CASP6: variants seen among roughly 807,000 people sequenced by gnomAD.
CASP6 encodes the protein caspase-6.
In CASP6, 20 loss-of-function variants were observed where a neutral mutation model predicts 31.8. The observed-to-expected ratio is 0.63, with a 90% CI of 0.44 to 0.91. CASP6 has a LOEUF of 0.91. Among genes scored for constraint, CASP6 ranks in the 40% least tolerant of loss-of-function variants. CASP6 has a pLI of 0.00. For missense variants in CASP6, 328 were observed against 361.1 expected (o/e 0.91, Z 0.74); for synonymous variants, 130 against 127.8 (o/e 1.02, Z -0.12).
In CASP6 at chr4:109,697,765, TTC is replaced by T. The variant is rs751651515; in HGVS notation, c.85_86del (p.Glu29AsnfsTer3). On this transcript the variant is annotated frameshift_variant and splice_region_variant, in exon 3 of 7. Transcript: ENST00000265164. LOFTEE classifies it high-confidence loss of function. ...MTETDAFYKR[E>X]MFDPAEKYKM... The stretch of plus-strand genomic sequence containing the variant: ...TGTACTTTTCTGCCGGATCAAACAT[TTC>T]TCTGTTAATGAAAAGTTGAAAAACA... The T allele has an allele frequency of 5.1e-5, 83 of 1,612,388 alleles. No homozygotes were observed. The highest frequency in any genetic ancestry group is 1.7e-4 in the Middle Eastern group (1 of 6,052).
At chr4:109,706,028 A>G (rs1316493857), upstream of CASP6, among the ~76,000 whole-genome samples, 3 of 108,428 alleles carry the variant, frequency 2.8e-5, no homozygotes, top group Non-Finnish European at 5.3e-5. Flanking sequence ...ATATATATAT[A>G]TATAATATAT....
At position 109,694,687 on chromosome 4, in the gene CASP6, G is replaced by A. The variant is rs1484251398; in HGVS notation, c.321C>T (p.Ser107=). ...ACACAAAGCAATCGGCATCTGCGTG[G>A]CTAACAGTTGACACTATAAAGGACC... is the stretch of plus-strand genomic sequence containing the variant. ...LLKIHEVSTV[S]HADADCFVCV... The change falls in exon 5 of 7, where the codon AGC becomes AGT. Residue 107 remains serine (S), a synonymous_variant. Transcript: ENST00000265164. 6.3e-7 allele frequency: 1 copy of A among 1,593,212 alleles called. No homozygotes were observed. The highest frequency in any genetic ancestry group is 1.4e-5 in the African/African-American group (1 of 74,042).
chr4:109,689,237 T>C lies in CASP6; in HGVS notation c.*93A>G. 1 of 1,196,702 alleles carries C rather than the reference T, an allele frequency of 8.4e-7. No individual in the cohort carries two copies. The highest frequency in any genetic ancestry group is 1.2e-6 in the Non-Finnish European group (1 of 822,312). 74.1% of individuals were successfully genotyped at this position (1,196,702 alleles called of 1,614,324 possible). The stretch of plus-strand genomic sequence containing the variant: ...CTCAGGTGATCCGCCCACCTTGGAC[T>C]CCCAAAGTGCTGGGATTACAGGTGT... On this transcript the variant is annotated 3_prime_UTR_variant, in exon 7 of 7. Transcript: ENST00000265164.
At chr4:109,676,938 G>T in the CASP6 span, among the ~76,000 whole-genome samples, 1 of 152,260 alleles carries the variant, frequency 6.6e-6, no homozygotes, top group East Asian at 1.9e-4. Flanking sequence ...GCTGCCCCTT[G>T]AGAATCCAGA....
At chr4:109,664,719 G>A in the CASP6 span, among the ~76,000 whole-genome samples, 2 of 152,124 alleles carry the variant, frequency 1.3e-5, no homozygotes, top group Admixed American at 6.5e-5. Flanking sequence ...TTTATCAGAT[G>A]ACCAAGAAGT....
rs989098971 is a variant in CASP6, at chr4:109,689,154, C to A, written c.*176G>T. The A allele has an allele frequency of 1.4e-5, 8 of 557,036 alleles. No individual in the cohort carries two copies. Among genetic ancestry groups the A allele is most frequent in the Non-Finnish European group, 2.2e-5 (7 of 311,944 alleles). 34.5% of individuals were successfully genotyped at this position (557,036 alleles called of 1,614,324 possible). ...CCATGCCTAGCTAAATTTTTTTTTG[C>A]ATTTTTAGTAGAGACGGGGCTTCTC... On this transcript the variant is annotated 3_prime_UTR_variant, in exon 7 of 7. Transcript: ENST00000265164.
chr4:109,689,585 G>A lies in CASP6; in HGVS notation c.644-17C>T, dbSNP rs1464553571. On this transcript the variant is annotated splice_polypyrimidine_tract_variant and intron_variant, in intron 6 of 6. Coordinates refer to ENST00000265164, the MANE Select transcript of CASP6 (RefSeq NM_001226.4). ...AATAATATCCTAAAAAAGTGAGAAG[G>A]AAAATGTTGCTGCAGTTTTCTGGCT... The A allele has an allele frequency of 3.7e-6, 6 of 1,605,004 alleles. No homozygotes were observed. Among genetic ancestry groups the A allele is most frequent in the Non-Finnish European group, 4.3e-6 (5 of 1,172,500 alleles).
the CASP6 span, among the ~76,000 whole-genome samples, chr4:109,677,380 T>C: frequency 2.0e-5 from 3 of 152,148 alleles, no homozygotes. Flanking sequence ...GATGAGACTT[T>C]GGAATTGGAC....
chr4:109,673,454 G>C, the CASP6 span, among the ~76,000 whole-genome samples: 4 of 152,230 alleles, frequency 2.6e-5, no homozygotes, highest in Non-Finnish European at 5.9e-5. Context: ...CCTCCCTGGA[G>C]ATGGGAGGTC....
At chr4:109,698,732 A>T (rs968364192) in intron 1 of CASP6, among the ~76,000 whole-genome samples, 3 of 152,242 alleles carry the variant, frequency 2.0e-5, no homozygotes, top group Non-Finnish European at 4.4e-5. Flanking sequence ...CTACAGGAAA[A>T]CTGAAATATA....
At chr4:109,680,947 A>G in the CASP6 span, among the ~76,000 whole-genome samples, 1 of 152,190 alleles carries the variant, frequency 6.6e-6, no homozygotes. Context: ...TTTTATATGG[A>G]CTTATAAACC....
At chr4:109,709,467 T>C in the CASP6 span, among the ~76,000 whole-genome samples, 1 of 152,230 alleles carries the variant, frequency 6.6e-6, no homozygotes, top group South Asian at 2.1e-4. Flanking sequence ...ATCTGAATAG[T>C]TTTCCATAAA....
At chr4:109,678,648 G>T in the CASP6 span, among the ~76,000 whole-genome samples, 1 of 141,076 alleles carries the variant, frequency 7.1e-6, no homozygotes, top group African/African-American at 2.7e-5. Flanking sequence ...CCGGGCAGAG[G>T]CGCTCCTCAC....
At chr4:109,670,719 CA>C in the CASP6 span, among the ~76,000 whole-genome samples, 535 of 124,762 alleles carry the variant, frequency 4.3e-3, 2 homozygotes, top group African/African-American at 9.1e-3. Context: ...ACTCTGTCTC[CA>C]AAAAAAAAAA....
chr4:109,665,077 T>G, the CASP6 span, among the ~76,000 whole-genome samples: 1 of 152,216 alleles, frequency 6.6e-6, no homozygotes. Context: ...ACTGGTATAT[T>G]TATTAAAATT....
At chr4:109,679,523 G>C in the CASP6 span, among the ~76,000 whole-genome samples, 3 of 152,172 alleles carry the variant, frequency 2.0e-5, no homozygotes, top group African/African-American at 7.2e-5. Flanking sequence ...GCACGTGCCT[G>C]GAATCCCAGG....
At chr4:109,699,575 T>C (rs1474510957) in intron 1 of CASP6, among the ~76,000 whole-genome samples, 2 of 152,216 alleles carry the variant, frequency 1.3e-5, no homozygotes, top group African/African-American at 2.4e-5. Context: ...CTGGTGTGCA[T>C]GTTAAAATGC....
At chr4:109,698,190 C>A (rs1367126479) in intron 2 of CASP6, 110 bp downstream of exon 2, 21 of 1,166,732 alleles carry the variant, frequency 1.8e-5, no homozygotes, top group Non-Finnish European at 2.3e-5. Context: ...AAAACTTGGC[C>A]TACTCAGTTT....
upstream of CASP6, among the ~76,000 whole-genome samples, chr4:109,707,198 CTT>C (rs550452904): frequency 9.3e-4 from 141 of 152,282 alleles, 1 homozygote; most frequent in African/African-American, 2.9e-3. Flanking sequence ...TTGTGTGACT[CTT>C]TTATTGGTGG....
Sources: gnomAD v4.1 joint callset for allele counts (sites outside exome capture counted in the v4.1 genomes callset) on GRCh38, gnomAD v4.1.1 for gene constraint, MANE v1.5 for transcripts, NCBI Gene and HGNC (gene_info 2026-07-23, HGNC 2026-07-21) for gene names.